Variants in PCDHA4 observed in about 807,000 individuals in gnomAD.
The protein encoded by PCDHA4 is protocadherin alpha 4, also known as protocadherin alpha-4.
Under a neutral mutation model 61.4 loss-of-function variants are expected in PCDHA4, and 49 were observed. That is an observed-to-expected ratio of 0.80 (90% CI 0.63 to 1.01). The LOEUF is 1.01. PCDHA4 is among the 50% of genes least tolerant of loss of function. PCDHA4 has a pLI of 0.00. For missense variants in PCDHA4, 1,254 were observed against 1,235.8 expected, an observed-to-expected ratio of 1.01 and a Z score of -0.22; for synonymous variants, 590 against 550.3, an observed-to-expected ratio of 1.07 and a Z score of -1.01.
chr5:141,010,146 C>T lies in PCDHA4; in HGVS notation c.*209C>T. 2 of 1,584,410 alleles carry T rather than the reference C, an allele frequency of 1.3e-6. No homozygotes were observed. Among genetic ancestry groups the T allele is most frequent in the Non-Finnish European group, 1.7e-6 (2 of 1,164,258 alleles). On this transcript the variant is annotated 3_prime_UTR_variant, in exon 4 of 4. Coordinates refer to ENST00000530339, the MANE Select transcript of PCDHA4 (RefSeq NM_018907.4). ...TAAGTCTGGTGTTAACTCTTTCTCTCCACTCTGGCTTGTTTTCAGAACCTA... is the reference window on the plus strand; with the variant it reads ...TAAGTCTGGTGTTAACTCTTTCTCTTCACTCTGGCTTGTTTTCAGAACCTA...
chr5:140,892,498 T>G (rs937078713), intron 1 of PCDHA4, among the ~76,000 whole-genome samples: 3 of 152,232 alleles, frequency 2.0e-5, no homozygotes, highest in Non-Finnish European at 4.4e-5. Flanking sequence ...AGAGATTGTT[T>G]AAGAAGTTCC....
At chr5:140,999,524 C>T (rs1367103048) in intron 3 of PCDHA4, among the ~76,000 whole-genome samples, 1 of 152,026 alleles carries the variant, frequency 6.6e-6, no homozygotes, top group Non-Finnish European at 1.5e-5. Context: ...ATTTTGTTAC[C>T]CCCTGGATAT....
intron 1 of PCDHA4, chr5:140,869,606 T>C: frequency 2.5e-6 from 4 of 1,614,026 alleles, no homozygotes; most frequent in Non-Finnish European, 3.4e-6. Flanking sequence ...AATGCTCTAT[T>C]GACCTACAGG....
intron 1 of PCDHA4, chr5:140,883,472 A>G (rs782442737): frequency 1.2e-5 from 20 of 1,614,018 alleles, no homozygotes; most frequent in Non-Finnish European, 1.4e-5. Context: ...GTCCACCTAC[A>G]AGAACTACTA....
intron 1 of PCDHA4, among the ~76,000 whole-genome samples, chr5:140,906,332 T>C (rs2072570393): frequency 6.6e-6 from 1 of 152,186 alleles, no homozygotes; most frequent in Non-Finnish European, 1.5e-5. Context: ...CAACTATCCT[T>C]CATACAACCA....
At chr5:140,954,692 C>T (rs1428031536) in intron 1 of PCDHA4, among the ~76,000 whole-genome samples, 10 of 151,966 alleles carry the variant, frequency 6.6e-5, no homozygotes, top group African/African-American at 2.4e-4. Flanking sequence ...GATGGATAGA[C>T]TACAAAATTT....
At position 140,876,601 on chromosome 5, in the gene PCDHA4, C is replaced by A. The variant is rs143847585; in HGVS notation, c.2385+67029C>A. The A allele has an allele frequency of 2.5e-4, 409 of 1,614,152 alleles. No individual in the cohort carries two copies. The highest frequency in any genetic ancestry group is 3.3e-4 in the Non-Finnish European group (387 of 1,180,034). ...CATTGCCCTGATTAGCGTGTCGGAT[C>A]GTGACTCTGGAGCCAATGGACAGGT... On this transcript the variant is annotated intron_variant, in intron 1 of 3. Coordinates refer to ENST00000530339, the MANE Select transcript of PCDHA4 (RefSeq NM_018907.4).
chr5:140,869,361 G>T, intron 1 of PCDHA4: 1 of 1,614,146 alleles, frequency 6.2e-7, no homozygotes, highest in Non-Finnish European at 8.5e-7. Context: ...TTTTGTTTGT[G>T]AATTCTCGGA....
chr5:140,950,738 T>C (rs900517873), intron 1 of PCDHA4, among the ~76,000 whole-genome samples: 5 of 152,150 alleles, frequency 3.3e-5, no homozygotes, highest in African/African-American at 7.2e-5. Flanking sequence ...TTAATCCTAA[T>C]TTCTCTCTAT....
rs1039422866 is a variant in PCDHA4 at position 140,928,669 on chromosome 5, A to G, written c.2386-50280A>G. 6 of 1,614,042 alleles carry G rather than the reference A, an allele frequency of 3.7e-6. No homozygotes were observed. The African/African-American group carries it at 6.7e-5, about 18-fold the overall frequency. On this transcript the variant is annotated intron_variant, in intron 1 of 3. Transcript: ENST00000530339. ...AGCAGAGGATGCTGACAGTGGTTCT[A>G]ATGCCTGGCTTTCCTACCACATCTC...
At chr5:141,009,120 T>C (rs1383940737) in intron 3 of PCDHA4, among the ~76,000 whole-genome samples, 1 of 152,236 alleles carries the variant, frequency 6.6e-6, no homozygotes, top group African/African-American at 2.4e-5. Flanking sequence ...ACTAGATTCT[T>C]GGTATCCTGG....
At chr5:140,858,250 G>C in intron 1 of PCDHA4, 1 of 1,596,872 alleles carries the variant, frequency 6.3e-7, no homozygotes, top group Non-Finnish European at 8.6e-7. Flanking sequence ...GGCCGGTGAA[G>C]CCCACGCTGG....
At chr5:140,880,687 C>G (rs999356626) in intron 1 of PCDHA4, among the ~76,000 whole-genome samples, 1 of 152,130 alleles carries the variant, frequency 6.6e-6, no homozygotes, top group Non-Finnish European at 1.5e-5. Context: ...AGAGAATAGT[C>G]ATGGTTAAGT....
chr5:140,873,571 TGTTTAA>T (rs141288581), intron 1 of PCDHA4, among the ~76,000 whole-genome samples: 18,659 of 152,254 alleles, frequency 0.12, 1,208 homozygotes, highest in Middle Eastern at 0.19. Flanking sequence ...CTAGTTTGGT[TGTTTAA>T]GTATTAAGCT....
intron 1 of PCDHA4, chr5:140,883,733 C>G (rs1554179634): frequency 3.1e-6 from 5 of 1,613,458 alleles, no homozygotes; most frequent in African/African-American, 1.3e-5. Flanking sequence ...GGAGAACGCG[C>G]TGGTCTCCTA....
intron 1 of PCDHA4, among the ~76,000 whole-genome samples, chr5:140,947,906 A>G (rs2153681662): frequency 6.6e-6 from 1 of 151,710 alleles, no homozygotes; most frequent in South Asian, 2.1e-4. Flanking sequence ...GTGAGAGCAG[A>G]CATTCTTGCC....
rs373952073 is a variant in PCDHA4, at chr5:140,809,404, G to T, written c.2217G>T (p.Leu739=). 25 of 1,614,214 alleles carry T rather than the reference G, an allele frequency of 1.5e-5. No individual in the cohort carries two copies. In the African/African-American group the frequency reaches 1.6e-4, roughly 10 times the overall value. The change falls in exon 1 of 4, where the codon CTG becomes CTT. Residue 739 remains leucine (L), a synonymous_variant. Coordinates refer to ENST00000530339, the MANE Select transcript of PCDHA4 (RefSeq NM_018907.4). The stretch of plus-strand genomic sequence containing the variant: ...CGTGCGCTCCGGGCAAGCCCACGCT[G>T]GTGTGCTCCAGTGCGGTGGGGAGCT... ...EGACAPGKPT[L]VCSSAVGSWS... is the part of the protein sequence containing the mutation.
At chr5:140,826,875 T>G (rs2150145673) in intron 1 of PCDHA4, among the ~76,000 whole-genome samples, 1 of 152,218 alleles carries the variant, frequency 6.6e-6, no homozygotes, top group South Asian at 2.1e-4. Flanking sequence ...TAAAATTCAA[T>G]GAAAGCTGTA....
At chr5:140,929,010 G>A in intron 1 of PCDHA4, 2 of 1,614,128 alleles carry the variant, frequency 1.2e-6, no homozygotes, top group Non-Finnish European at 1.7e-6. Flanking sequence ...TGTGTACCAA[G>A]TTGCACCAGA....
Sources: gnomAD v4.1 joint callset for allele counts (sites outside exome capture counted in the v4.1 genomes callset) on GRCh38, gnomAD v4.1.1 for gene constraint, MANE v1.5 for transcripts, NCBI Gene and HGNC (gene_info 2026-07-23, HGNC 2026-07-21) for gene names.